URI1: variants seen among roughly 807,000 people sequenced by gnomAD.
URI1 encodes URI1 prefoldin like chaperone.
A neutral mutation model predicts 60.2 loss-of-function variants in URI1; 39 were observed. The observed-to-expected ratio is 0.65, with a 90% confidence interval of 0.50 to 0.85. The LOEUF is 0.85. URI1 is among the 40% of genes least tolerant of loss of function. The pLI is 0.00. For missense variants in URI1, 691 were observed against 665.9 expected, an observed-to-expected ratio of 1.04 and a Z score of -0.42; for synonymous variants, 251 against 236.8, an observed-to-expected ratio of 1.06 and a Z score of -0.55.
At chr19:29,989,311 C>G (rs893630528) in intron 4 of URI1, among the ~76,000 whole-genome samples, 3 of 151,768 alleles carry the variant, frequency 2.0e-5, no homozygotes, top group African/African-American at 7.3e-5. Flanking sequence ...TGGGGTTTCA[C>G]CATGTTGGTC....
At chr19:29,975,976 G>T (rs1420723667) in intron 2 of URI1, among the ~76,000 whole-genome samples, 1 of 152,102 alleles carries the variant, frequency 6.6e-6, no homozygotes, top group Non-Finnish European at 1.5e-5. Flanking sequence ...AATGAAATCA[G>T]ATTGTACCTG....
chr19:29,977,177 C>A lies in URI1; in HGVS notation c.152+5950C>A, dbSNP rs376919153. On this transcript the variant is annotated intron_variant, in intron 2 of 10. Transcript: ENST00000392271. ...GTTGGAGCTACTCTTTCCTATCAGT[C>A]GGGATGGAGATACCTGCTTTATGCA... is the stretch of plus-strand genomic sequence containing the variant. Among the ~76,000 whole-genome samples, 4 of 150,512 alleles carry A rather than the reference C, an allele frequency of 2.7e-5. No individual in the cohort carries two copies. The East Asian group carries it at 5.8e-4, about 22-fold the overall frequency.
At chr19:29,980,815 A>T (rs1037957673) in intron 2 of URI1, among the ~76,000 whole-genome samples, 6 of 150,124 alleles carry the variant, frequency 4.0e-5, no homozygotes, top group Admixed American at 2.0e-4. Flanking sequence ...TCAGCTACTC[A>T]GGAGGCTGAG....
In URI1 at chr19:30,005,382, A is replaced by G. The variant is rs1318267240; in HGVS notation, c.389A>G (p.Asp130Gly). 1.9e-6 allele frequency: 3 copies of G among 1,597,538 alleles called. No homozygotes were observed. Among genetic ancestry groups the G allele is most frequent in the Admixed American group, 3.5e-5 (2 of 57,190 alleles). ...TCAGATGTAAGAAAAACAATAGATG[A>G]CTTAAAAAAAGTGATGAAAAATTTT... ...RKEHVRKTIDDLKKVMKNFES... is the reference protein window; with the variant it reads ...RKEHVRKTIDGLKKVMKNFES... Residue 130 changes from aspartate (D) to glycine (G), a missense_variant, in exon 5 of 11, where the codon GAC becomes GGC. Coordinates refer to ENST00000392271, the MANE Select transcript of URI1 (RefSeq NM_003796.3).
chr19:29,983,975 C>A (rs2055629579), intron 2 of URI1, among the ~76,000 whole-genome samples: 1 of 152,172 alleles, frequency 6.6e-6, no homozygotes, highest in South Asian at 2.1e-4. Flanking sequence ...CCAGTTGATT[C>A]TCTCTTACCT....
In URI1 at chr19:30,015,666, CT is replaced by C. The variant is rs913756393; in HGVS notation, c.*605del. 2.1e-5 allele frequency: 29 copies of C among 1,359,980 alleles called. No individual in the cohort carries two copies. Among genetic ancestry groups the C allele is most frequent in the African/African-American group, 3.0e-5 (2 of 67,606 alleles). 84.2% of individuals were successfully genotyped at this position (1,359,980 alleles called of 1,614,324 possible). ...TTCTTTGGAAAGATATTTTGTAAAA[CT>C]TTTTTTTCCAAGTAAAAACTTTATG... On this transcript the variant is annotated 3_prime_UTR_variant, in exon 11 of 11. Transcript: ENST00000392271.
At chr19:30,006,694 T>C (rs73543796) in intron 6 of URI1, among the ~76,000 whole-genome samples, 1,873 of 152,272 alleles carry the variant, frequency 0.012, 51 homozygotes, top group African/African-American at 0.043. Flanking sequence ...CGAGGTCATC[T>C]GGTAGTGCCA....
chr19:30,005,176 ATATATATAGCAC>A (rs1276108332), intron 4 of URI1, among the ~76,000 whole-genome samples, 173 bp from the exon 5 acceptor site: 2 of 152,036 alleles, frequency 1.3e-5, no homozygotes, highest in Admixed American at 6.6e-5. Context: ...GTAATGTGCT[ATATATATAGCAC>A]AAAAATACAC....
intron 4 of URI1, among the ~76,000 whole-genome samples, chr19:29,994,295 C>T (rs1185179950): frequency 6.6e-6 from 1 of 152,060 alleles, no homozygotes; most frequent in Non-Finnish European, 1.5e-5. Context: ...GTCTTTTCCT[C>T]CTTTTCCTCC....
chr19:29,946,175 C>T (rs1046882668), intron 1 of URI1, among the ~76,000 whole-genome samples: 2 of 152,084 alleles, frequency 1.3e-5, no homozygotes, highest in African/African-American at 4.8e-5. Context: ...TTTTTACTAA[C>T]AGCAGTAAAA....
intron 4 of URI1, 90 bp downstream of exon 4, chr19:29,986,507 C>A: frequency 1.4e-6 from 2 of 1,467,920 alleles, no homozygotes; most frequent in East Asian, 5.0e-5. Flanking sequence ...ACCAAAAGTA[C>A]CTTCCGTGAT....
At chr19:30,004,779 TCTCAAATTAAAATTTTTC>T (rs2055919684) in intron 4 of URI1, among the ~76,000 whole-genome samples, 1 of 152,072 alleles carries the variant, frequency 6.6e-6, no homozygotes, top group Non-Finnish European at 1.5e-5. Context: ...TTGTGTCTAT[TCTCAAATTAAAATTTTTC>T]CTCAAATAGG....
At chr19:29,930,804 C>T (rs1448321211) in intron 1 of URI1, among the ~76,000 whole-genome samples, 4 of 151,834 alleles carry the variant, frequency 2.6e-5, no homozygotes, top group East Asian at 1.9e-4. Context: ...AAGTGATTCT[C>T]GTGCCTCAGC....
At position 30,015,361 on chromosome 19, in the gene URI1, T is replaced by C. The variant is rs1471735740; in HGVS notation, c.*292T>C. ...ATTACTTTTCAAAGAATACTGTTCA[T>C]ATGCATTGTTTTTGTGTTTCAAACT... is the stretch of plus-strand genomic sequence containing the variant. On this transcript the variant is annotated 3_prime_UTR_variant, in exon 11 of 11. Coordinates refer to ENST00000392271, the MANE Select transcript of URI1 (RefSeq NM_003796.3). 7.0e-7 allele frequency: 1 copy of C among 1,432,516 alleles called. No homozygotes were observed. Among genetic ancestry groups the C allele is most frequent in the Non-Finnish European group, 9.1e-7 (1 of 1,101,718 alleles). The allele number at this position is 1,432,516 out of a possible 1,614,324, so 88.7% of individuals were successfully genotyped here.
At chr19:30,005,219 C>A in intron 4 of URI1, 142 bp from the exon 5 acceptor site, 1 of 537,732 alleles carries the variant, frequency 1.9e-6, no homozygotes, top group Admixed American at 3.8e-5. Flanking sequence ...ATTAAAAGTC[C>A]ATTTAAAAGG....
intron 4 of URI1, among the ~76,000 whole-genome samples, chr19:29,995,393 T>C (rs1287751220): frequency 6.6e-6 from 1 of 152,124 alleles, no homozygotes; most frequent in Non-Finnish European, 1.5e-5. Flanking sequence ...TCTATTCAAG[T>C]CTTTTGCCCA....
At position 29,990,741 on chromosome 19, in the gene URI1, A is replaced by G. The variant is rs563540427; in HGVS notation, c.367+4324A>G. ...TGAGAGAGAATGGAGAGTGACTGCT[A>G]AAGAGTATGGAGATTTTTAGGGGCA... On this transcript the variant is annotated intron_variant, in intron 4 of 10. Transcript: ENST00000392271. Among the ~76,000 whole-genome samples, 4 of 152,328 alleles carry G rather than the reference A, an allele frequency of 2.6e-5. No individual in the cohort carries two copies. The East Asian group carries it at 7.7e-4, about 29-fold the overall frequency.
At chr19:29,972,793 AT>A (rs770780786) in intron 2 of URI1, among the ~76,000 whole-genome samples, 32 of 152,070 alleles carry the variant, frequency 2.1e-4, no homozygotes, top group Admixed American at 4.6e-4. Context: ...GAAATGTGAC[AT>A]TTACTTCATG....
intron 4 of URI1, among the ~76,000 whole-genome samples, chr19:29,988,821 A>G (rs2055706466): frequency 6.6e-6 from 1 of 152,222 alleles, no homozygotes; most frequent in African/African-American, 2.4e-5. Flanking sequence ...TTGTTAGATC[A>G]TATGATAAAT....
Sources: allele counts gnomAD v4.1 joint callset (sites outside exome capture counted in the v4.1 genomes callset), GRCh38; gene constraint gnomAD v4.1.1; transcripts MANE v1.5; gene names NCBI Gene and HGNC (gene_info 2026-07-23, HGNC 2026-07-21).